BIN3: variants seen among roughly 807,000 people sequenced by gnomAD.
BIN3 encodes bridging integrator 3.
Under a neutral mutation model 38.2 loss-of-function variants are expected in BIN3, and 41 were observed. The ratio of observed to expected loss-of-function variants is 1.07; its 90% CI spans 0.84 to 1.39. The LOEUF (loss-of-function observed/expected upper bound fraction) is 1.39, where lower values mean the gene tolerates loss of function less well. Among genes scored for constraint, BIN3 ranks in the 40% most tolerant of loss-of-function variants. The pLI is 0.00. For synonymous variants in BIN3, 145 were observed against 122.6 expected (o/e 1.18, Z -1.21); for missense variants, 361 against 324.3 (o/e 1.11, Z -0.87).
chr8:22,630,669 T>C, intron 4 of BIN3, 91 bp from the exon 5 acceptor site: 1 of 1,473,208 alleles, frequency 6.8e-7, no homozygotes, highest in South Asian at 1.3e-5. Flanking sequence ...GCCAGGGGCC[T>C]GCACCCTGAA....
intron 1 of BIN3, among the ~76,000 whole-genome samples, chr8:22,649,857 A>C (rs1554571357): frequency 3.1e-4 from 39 of 125,086 alleles, no homozygotes; most frequent in Non-Finnish European, 4.7e-4. Flanking sequence ...ACACACACAC[A>C]CCCCCAAAGG....
intron 1 of BIN3, among the ~76,000 whole-genome samples, chr8:22,661,179 C>G (rs536473900): frequency 7.2e-5 from 11 of 152,280 alleles, no homozygotes; most frequent in African/African-American, 2.6e-4. Context: ...GCCACCTCGA[C>G]TGGCCCCTGA....
rs1162499051 is a variant in BIN3, at chr8:22,656,294, CAT to C, written c.9-11493_9-11492del. ...TAAATATTAAGATCCCAAAATAACA[CAT>C]GTGAAGTTTTAGCTCTATACATGTC... On this transcript the variant is annotated intron_variant, in intron 1 of 8. Transcript: ENST00000276416. Among the ~76,000 whole-genome samples the C allele has an allele frequency of 5.4e-5, 8 of 147,692 alleles. No individual in the cohort carries two copies. In the East Asian group the frequency reaches 6.2e-4, roughly 11 times the overall value.
chr8:22,630,479 G>A lies in BIN3; in HGVS notation c.260C>T (p.Thr87Met), dbSNP rs776836042. ...GAAGGCATCCATCCGCTTCATGGCC[G>A]TGTCCAGGGCCGTCACCATGTTCAG... ...DLLNMVTALD[T>M]AMKRMDAFNQ... The change falls in exon 5 of 9, where the codon ACG (threonine) becomes ATG (methionine). Residue 87 changes from threonine to methionine, a missense_variant. Physicochemically the swap from Thr to Met is moderately conservative, Grantham distance 81. Transcript: ENST00000276416. The A allele has an allele frequency of 1.5e-5, 25 of 1,613,908 alleles. No individual in the cohort carries two copies. The highest frequency in any genetic ancestry group is 8.3e-5 in the Admixed American group (5 of 60,012).
chr8:22,644,988 G>C (rs1227699396), intron 1 of BIN3, 185 bp from the exon 2 acceptor site: 2 of 553,098 alleles, frequency 3.6e-6, no homozygotes, highest in Non-Finnish European at 6.6e-6. Context: ...CTAAGAGAGA[G>C]ATAGGTCCTC....
At chr8:22,644,623 C>T (rs2117557779) in intron 2 of BIN3, 132 bp downstream of exon 2, 4 of 811,818 alleles carry the variant, frequency 4.9e-6, no homozygotes, top group South Asian at 3.0e-5. Context: ...GTTCTAGATC[C>T]GCATAAGCAG....
intron 4 of BIN3, among the ~76,000 whole-genome samples, chr8:22,633,325 A>C (rs1802267428): frequency 6.6e-6 from 1 of 152,156 alleles, no homozygotes; most frequent in Non-Finnish European, 1.5e-5. Flanking sequence ...AATAAACAGC[A>C]GGTCTCCATG....
chr8:22,637,701 C>G (rs1802417526), intron 2 of BIN3, among the ~76,000 whole-genome samples: 1 of 152,190 alleles, frequency 6.6e-6, no homozygotes, highest in Non-Finnish European at 1.5e-5. Context: ...AACGGAGCCT[C>G]ATGATTGGTC....
intron 1 of BIN3, among the ~76,000 whole-genome samples, chr8:22,663,744 CACAA>C (rs1803320029): frequency 6.6e-6 from 1 of 152,194 alleles, no homozygotes; most frequent in Admixed American, 6.5e-5. Flanking sequence ...TGACAGTCCG[CACAA>C]ACACTCTTGA....
intron 1 of BIN3, among the ~76,000 whole-genome samples, chr8:22,667,021 G>C (rs766421031): frequency 6.6e-6 from 1 of 152,222 alleles, no homozygotes; most frequent in Non-Finnish European, 1.5e-5. Flanking sequence ...GAGTGTGATT[G>C]TGTGCCCAGG....
intron 4 of BIN3, among the ~76,000 whole-genome samples, chr8:22,631,049 C>T (rs984985294): frequency 3.3e-5 from 5 of 152,142 alleles, no homozygotes; most frequent in Admixed American, 2.6e-4. Context: ...TTTCAGGCTT[C>T]GTGGGCCATA....
intron 4 of BIN3, among the ~76,000 whole-genome samples, chr8:22,631,033 T>C (rs1220661683): frequency 6.6e-6 from 1 of 152,308 alleles, no homozygotes; most frequent in East Asian, 1.9e-4. Context: ...GGCCCAACAG[T>C]AAATATTTCA....
chr8:22,657,700 T>C (rs150088078), intron 1 of BIN3, among the ~76,000 whole-genome samples: 1,595 of 152,196 alleles, frequency 0.01, 23 homozygotes, highest in African/African-American at 0.036. Context: ...CAGGAAGTGG[T>C]GAAAGGTGGC....
chr8:22,635,045 C>T (rs1192833964), intron 4 of BIN3, among the ~76,000 whole-genome samples: 1 of 152,166 alleles, frequency 6.6e-6, no homozygotes, highest in South Asian at 2.1e-4. Flanking sequence ...CTTCTCCACC[C>T]TCCTGCTGCC....
At chr8:22,668,980 C>G in intron 1 of BIN3, 64 bp downstream of exon 1, 1 of 1,551,250 alleles carries the variant, frequency 6.4e-7, no homozygotes, top group Non-Finnish European at 8.7e-7. Flanking sequence ...GCGGCACTGA[C>G]ACAGGGCCAG....
chr8:22,621,080 T>C lies in BIN3; in HGVS notation c.*342A>G. ...AGGTAGATTTGATGCCCACAACGCA[T>C]GCAAGGCTAAGACCCCCAACTTAGC... is the stretch of plus-strand genomic sequence containing the variant. On this transcript the variant is annotated 3_prime_UTR_variant, in exon 9 of 9. Transcript: ENST00000276416. 4.2e-6 allele frequency: 1 copy of C among 239,782 alleles called. No individual in the cohort carries two copies. Among genetic ancestry groups the C allele is most frequent in the South Asian group, 7.9e-5 (1 of 12,734 alleles). The allele number at this position is 239,782 out of a possible 1,614,324, so 14.9% of individuals were successfully genotyped here.
At position 22,669,116 on chromosome 8, in the gene BIN3, G is replaced by A. The variant is rs1803527580; in HGVS notation, c.-65C>T. 5.8e-6 allele frequency: 9 copies of A among 1,554,978 alleles called. No homozygotes were observed. Among genetic ancestry groups the A allele is most frequent in the African/African-American group, 1.4e-5 (1 of 73,308 alleles). On this transcript the variant is annotated 5_prime_UTR_variant, in exon 1 of 9. Coordinates refer to ENST00000276416, the MANE Select transcript of BIN3 (RefSeq NM_018688.6). ...AACTCGTTTCTCTAGGGTCACTTCC[G>A]GATTCAACCAGTCTCCAGGAAGTGA...
intron 4 of BIN3, among the ~76,000 whole-genome samples, chr8:22,632,189 G>T (rs1802224376): frequency 6.6e-6 from 1 of 152,152 alleles, no homozygotes; most frequent in Non-Finnish European, 1.5e-5. Flanking sequence ...AAGTGTCTTA[G>T]GACCCATGAC....
At chr8:22,632,459 G>A (rs555928841) in intron 4 of BIN3, among the ~76,000 whole-genome samples, 2 of 152,320 alleles carry the variant, frequency 1.3e-5, no homozygotes, top group South Asian at 4.1e-4. Flanking sequence ...TTCCAGAAAT[G>A]TTGAAGCAAC....
Sources: gnomAD v4.1 joint callset for allele counts (sites outside exome capture counted in the v4.1 genomes callset) on GRCh38, gnomAD v4.1.1 for gene constraint, MANE v1.5 for transcripts, NCBI Gene and HGNC (gene_info 2026-07-23, HGNC 2026-07-21) for gene names.